Variants in CAP2 observed in about 807,000 individuals in gnomAD.
CAP2 encodes the protein cyclase associated actin cytoskeleton regulatory protein 2.
A neutral mutation model predicts 57.7 loss-of-function variants in CAP2; 24 were observed. That is an observed-to-expected ratio of 0.42 (90% CI 0.30 to 0.58). The LOEUF (loss-of-function observed/expected upper bound fraction) is 0.58. CAP2 is among the 20% of genes least tolerant of loss of function. The pLI, the probability that CAP2 is intolerant of heterozygous loss-of-function variation, is 0.22. For missense variants in CAP2, 501 were observed against 590.3 expected (o/e 0.85, Z 1.57); for synonymous variants, 194 against 207.2 (o/e 0.94, Z 0.55).
intron 4 of CAP2, among the ~76,000 whole-genome samples, chr6:17,506,539 C>A (rs1761989374): frequency 6.6e-6 from 1 of 151,926 alleles, no homozygotes. Context: ...ACTCAGGAGG[C>A]TGAGGCAGGA....
chr6:17,553,783 C>T (rs1392348164), intron 12 of CAP2, among the ~76,000 whole-genome samples: 3 of 152,102 alleles, frequency 2.0e-5, no homozygotes, highest in Non-Finnish European at 4.4e-5. Flanking sequence ...ATGATTCGTC[C>T]TGAAAGAAAT....
chr6:17,546,427 G>T (rs1316780986), intron 11 of CAP2, among the ~76,000 whole-genome samples: 1 of 152,064 alleles, frequency 6.6e-6, no homozygotes, highest in Non-Finnish European at 1.5e-5. Context: ...TGAGTTCTTT[G>T]TAGATTCTGG....
chr6:17,394,033 C>G (rs538241132), intron 1 of CAP2, among the ~76,000 whole-genome samples: 12 of 149,482 alleles, frequency 8.0e-5, no homozygotes, highest in Non-Finnish European at 1.5e-5. Flanking sequence ...CCTGGCCGCT[C>G]GGAAGGCGGG....
chr6:17,467,698 A>G (rs1760903996), intron 4 of CAP2, among the ~76,000 whole-genome samples: 1 of 151,834 alleles, frequency 6.6e-6, no homozygotes, highest in African/African-American at 2.4e-5. Context: ...TAATTTTTCT[A>G]TTTTTTAGAA....
intron 3 of CAP2, among the ~76,000 whole-genome samples, chr6:17,450,652 T>C: frequency 6.6e-6 from 1 of 152,222 alleles, no homozygotes; most frequent in East Asian, 1.9e-4. Flanking sequence ...GCCAGAATAA[T>C]TATTTTTTAA....
At chr6:17,399,520 T>C (rs1217863915) in intron 1 of CAP2, among the ~76,000 whole-genome samples, 2 of 152,274 alleles carry the variant, frequency 1.3e-5, no homozygotes, top group East Asian at 1.9e-4. Context: ...GAAAGGGACA[T>C]AGGACATTGT....
chr6:17,404,642 G>A (rs189418564), intron 1 of CAP2, among the ~76,000 whole-genome samples: 16 of 149,362 alleles, frequency 1.1e-4, no homozygotes, highest in South Asian at 6.4e-4. Flanking sequence ...TTGGTGGCAC[G>A]CACCTGTAAT....
At chr6:17,453,119 A>G (rs974392925) in intron 3 of CAP2, among the ~76,000 whole-genome samples, 7 of 152,248 alleles carry the variant, frequency 4.6e-5, no homozygotes, top group Non-Finnish European at 1.0e-4. Context: ...TCATTCTTCC[A>G]TCTGCTCAGC....
At chr6:17,444,437 G>A (rs981963493) in intron 3 of CAP2, among the ~76,000 whole-genome samples, 21 of 152,034 alleles carry the variant, frequency 1.4e-4, no homozygotes, top group African/African-American at 2.9e-4. Flanking sequence ...AAGAGATAGA[G>A]ACCATCCTGG....
chr6:17,490,862 G>A (rs565108087), intron 4 of CAP2, among the ~76,000 whole-genome samples: 91 of 152,282 alleles, frequency 6.0e-4, no homozygotes, highest in African/African-American at 1.9e-3. Context: ...GGATCATGGC[G>A]CCTTAACAGC....
chr6:17,476,613 G>T (rs1396027703), intron 4 of CAP2, among the ~76,000 whole-genome samples: 1 of 152,146 alleles, frequency 6.6e-6, no homozygotes, highest in Admixed American at 6.5e-5. Context: ...CACTGGGGAG[G>T]GCTCCCTTGG....
At chr6:17,542,276 G>A (rs1163459214) in intron 9 of CAP2, among the ~76,000 whole-genome samples, 1 of 152,146 alleles carries the variant, frequency 6.6e-6, no homozygotes, top group Non-Finnish European at 1.5e-5. Context: ...ATGGATGGAG[G>A]GATTGATACC....
chr6:17,502,664 A>G (rs1012772034), intron 4 of CAP2, among the ~76,000 whole-genome samples: 2 of 152,190 alleles, frequency 1.3e-5, no homozygotes, highest in African/African-American at 4.8e-5. Context: ...GTTCTAGGGA[A>G]GTTAGAGATA....
intron 11 of CAP2, among the ~76,000 whole-genome samples, chr6:17,549,419 G>A (rs964231379): frequency 2.2e-4 from 33 of 152,060 alleles, no homozygotes; most frequent in African/African-American, 7.5e-4. Flanking sequence ...GCCAAGAATC[G>A]TGCCATTGTA....
intron 3 of CAP2, among the ~76,000 whole-genome samples, chr6:17,461,992 C>CATAAAAA (rs1760739622): frequency 3.6e-5 from 1 of 27,844 alleles, no homozygotes; most frequent in Non-Finnish European, 1.5e-4. Context: ...GACTCCGTCT[C>CATAAAAA]AAAAAAAAAA....
At chr6:17,477,908 G>T (rs911623243) in intron 4 of CAP2, among the ~76,000 whole-genome samples, 3 of 150,970 alleles carry the variant, frequency 2.0e-5, no homozygotes, top group Admixed American at 2.0e-4. Context: ...TCTTTGTTTA[G>T]TTGTTCAGGT....
chr6:17,394,043 G>A (rs1758608601), intron 1 of CAP2, among the ~76,000 whole-genome samples: 2 of 150,054 alleles, frequency 1.3e-5, no homozygotes, highest in South Asian at 2.1e-4. Flanking sequence ...CGGAAGGCGG[G>A]GTGCGGGCAG....
intron 7 of CAP2, among the ~76,000 whole-genome samples, chr6:17,529,980 CA>C (rs1329159000): frequency 0.021 from 2,900 of 135,786 alleles, 45 homozygotes; most frequent in African/African-American, 0.051. Context: ...ATAGTGAGAC[CA>C]AAAAAAAAAA....
At chr6:17,549,795 T>A (rs576015428) in intron 11 of CAP2, among the ~76,000 whole-genome samples, 130 of 152,298 alleles carry the variant, frequency 8.5e-4, no homozygotes, top group African/African-American at 3.0e-3. Flanking sequence ...ATGAGAACCC[T>A]GATACATCAG....
Sources: gnomAD v4.1 joint callset for allele counts (sites outside exome capture counted in the v4.1 genomes callset) on GRCh38, gnomAD v4.1.1 for gene constraint, MANE v1.5 for transcripts, NCBI Gene and HGNC (gene_info 2026-07-23, HGNC 2026-07-21) for gene names.